NCOA3: variants seen among roughly 807,000 people sequenced by gnomAD.
NCOA3 encodes the protein nuclear receptor coactivator 3.
In NCOA3, 51 loss-of-function variants were observed where a neutral mutation model predicts 158.8. The ratio of observed to expected loss-of-function variants is 0.32; its 90% CI spans 0.26 to 0.41. The LOEUF (loss-of-function observed/expected upper bound fraction) is 0.41, where lower values mean the gene tolerates loss of function less well. Ranked by LOEUF, NCOA3 falls within the 10% of genes least tolerant of loss-of-function variation. NCOA3 has a pLI of 1.00. For missense variants in NCOA3, 1,510 were observed against 1,746.6 expected (o/e 0.86, Z 2.41); for synonymous variants, 537 against 592.4 (o/e 0.91, Z 1.36).
chr20:47,502,555 A>T (rs2083953335), intron 1 of NCOA3, among the ~76,000 whole-genome samples: 2 of 150,410 alleles, frequency 1.3e-5, no homozygotes, highest in African/African-American at 4.9e-5. Flanking sequence ...TTTAACACGA[A>T]TTGTCCGCGG....
At chr20:47,529,798 TG>T (rs1435354042) in intron 1 of NCOA3, among the ~76,000 whole-genome samples, 3 of 152,264 alleles carry the variant, frequency 2.0e-5, no homozygotes, top group Admixed American at 1.3e-4. Flanking sequence ...TCTCTCATGC[TG>T]GAATTTTGGA....
intron 2 of NCOA3, among the ~76,000 whole-genome samples, chr20:47,586,735 C>G (rs1479782621): frequency 6.6e-6 from 1 of 152,176 alleles, no homozygotes; most frequent in Non-Finnish European, 1.5e-5. Context: ...ACAACCCTTC[C>G]CTAACCCCTT....
intron 1 of NCOA3, among the ~76,000 whole-genome samples, chr20:47,537,086 G>A (rs979011152): frequency 6.6e-6 from 1 of 152,030 alleles, no homozygotes; most frequent in African/African-American, 2.4e-5. Context: ...TGGGATTACA[G>A]GCGTGAGCCA....
intron 1 of NCOA3, among the ~76,000 whole-genome samples, chr20:47,580,074 T>C (rs968001761): frequency 6.6e-6 from 1 of 152,182 alleles, no homozygotes; most frequent in Non-Finnish European, 1.5e-5. Flanking sequence ...TGACTTTACA[T>C]GATCTTCCAC....
intron 8 of NCOA3, among the ~76,000 whole-genome samples, chr20:47,629,311 G>A (rs2086375544): frequency 6.6e-6 from 1 of 150,572 alleles, no homozygotes; most frequent in Non-Finnish European, 1.5e-5. Context: ...GTATAATCTT[G>A]TTTACGCTGA....
intron 2 of NCOA3, among the ~76,000 whole-genome samples, chr20:47,611,171 G>C (rs1361147682): frequency 1.3e-5 from 2 of 152,154 alleles, no homozygotes; most frequent in Non-Finnish European, 2.9e-5. Flanking sequence ...GATTAGAAGA[G>C]AATGGGGCAT....
At position 47,567,126 on chromosome 20, in the gene NCOA3, C is replaced by A. The variant is rs1267166212; in HGVS notation, c.-98-16057C>A. On this transcript the variant is annotated intron_variant, in intron 1 of 22. Transcript: ENST00000371998. ...GCAGTGATGTGATCTTAGCTCACTG[C>A]AACCTCTGCCTCCTGGGTTCAAGCG... Among the ~76,000 whole-genome samples the A allele has an allele frequency of 2.0e-5, 3 of 152,018 alleles. No individual in the cohort carries two copies. In the East Asian group the frequency reaches 5.8e-4, roughly 29 times the overall value.
chr20:47,636,670 G>A lies in NCOA3; in HGVS notation c.2284G>A (p.Val762Met). The A allele has an allele frequency of 1.9e-6, 3 of 1,614,144 alleles. No individual in the cohort carries two copies. Among genetic ancestry groups the A allele is most frequent in the Non-Finnish European group, 2.5e-6 (3 of 1,179,996 alleles). ...SKELQPQVEGVDNKMSQCTSS... is the reference protein window; with the variant it reads ...SKELQPQVEGMDNKMSQCTSS... ...AGAACTACAGCCCCAAGTGGAAGGA[G>A]TGGATAATAAAATGAGTCAGTGCAC... The change falls in exon 12 of 23, where the codon GTG (valine) becomes ATG (methionine). Residue 762 changes from valine (V) to methionine (M), a missense_variant. Transcript: ENST00000371998.
rs1159293494 is a variant in NCOA3, at chr20:47,634,238, T to C, written c.1112+43T>C. 5 of 1,564,474 alleles carry C rather than the reference T, an allele frequency of 3.2e-6. No homozygotes were observed. The African/African-American group carries it at 4.1e-5, about 13-fold the overall frequency. ...TGTATTCTAATACAAAATGCAGCAG[T>C]GTTCTCAAAATGCTTTATTATTAAA... is the stretch of plus-strand genomic sequence containing the variant. On this transcript the variant is annotated intron_variant, in intron 10 of 22. Transcript: ENST00000371998.
At chr20:47,567,613 A>C (rs987588328) in intron 1 of NCOA3, among the ~76,000 whole-genome samples, 1 of 151,900 alleles carries the variant, frequency 6.6e-6, no homozygotes, top group Non-Finnish European at 1.5e-5. Flanking sequence ...GTTGTTGCCC[A>C]GACTGGAGTG....
chr20:47,526,607 G>A (rs1449954008), intron 1 of NCOA3, among the ~76,000 whole-genome samples: 1 of 152,234 alleles, frequency 6.6e-6, no homozygotes, highest in Non-Finnish European at 1.5e-5. Context: ...AAAAAAATAC[G>A]AAAACCAGTC....
At chr20:47,526,621 C>T (rs942034743) in intron 1 of NCOA3, among the ~76,000 whole-genome samples, 4 of 152,234 alleles carry the variant, frequency 2.6e-5, no homozygotes, top group South Asian at 2.1e-4. Flanking sequence ...ACCAGTCAGG[C>T]GTGGTGGCAC....
chr20:47,623,840 T>G (rs556650924), intron 3 of NCOA3, 71 bp from the exon 4 acceptor site: 3 of 1,443,122 alleles, frequency 2.1e-6, no homozygotes, highest in South Asian at 2.5e-5. Flanking sequence ...TAGGGGCTGA[T>G]TCTGCTAACA....
chr20:47,549,905 A>G (rs1796516211), intron 1 of NCOA3, among the ~76,000 whole-genome samples: 1 of 151,958 alleles, frequency 6.6e-6, no homozygotes, highest in Non-Finnish European at 1.5e-5. Context: ...TGATTTCACC[A>G]TGTTGCTTAG....
intron 1 of NCOA3, among the ~76,000 whole-genome samples, chr20:47,512,465 G>A (rs2084160783): frequency 6.6e-6 from 1 of 151,840 alleles, no homozygotes; most frequent in Non-Finnish European, 1.5e-5. Flanking sequence ...CTACTCGGGA[G>A]GTTGAGGCAG....
At position 47,639,695 on chromosome 20, in the gene NCOA3, A is replaced by G; in HGVS notation, c.2826A>G (p.Gly942=). 6.2e-7 allele frequency: 1 copy of G among 1,614,160 alleles called. No individual in the cohort carries two copies. The highest frequency in any genetic ancestry group is 8.5e-7 in the Non-Finnish European group (1 of 1,180,010). Residue 942 remains glycine (G), a synonymous_variant, in exon 15 of 23, where the codon GGA becomes GGG. Transcript: ENST00000371998. ...PMNSNSMGRP[G]GDYNTSLPRP... Reference sequence around the variant, plus strand: ...ATTCAAACTCCATGGGAAGACCAGGAGGAGATTATAATACTTCTTTACCCA... The same window carrying G: ...ATTCAAACTCCATGGGAAGACCAGGGGGAGATTATAATACTTCTTTACCCA...
intron 2 of NCOA3, among the ~76,000 whole-genome samples, chr20:47,594,225 C>T (rs560776007): frequency 2.0e-5 from 3 of 152,274 alleles, no homozygotes; most frequent in Admixed American, 6.5e-5. Flanking sequence ...ATGACCAGTT[C>T]ACTTGTTTTA....
At chr20:47,633,280 G>A (rs1231696041) in intron 8 of NCOA3, among the ~76,000 whole-genome samples, 1 of 152,190 alleles carries the variant, frequency 6.6e-6, no homozygotes, top group Non-Finnish European at 1.5e-5. Flanking sequence ...AAGACCAAAT[G>A]TATTATTATA....
At chr20:47,531,933 C>T (rs866597760) in intron 1 of NCOA3, among the ~76,000 whole-genome samples, 6 of 152,156 alleles carry the variant, frequency 3.9e-5, no homozygotes, top group African/African-American at 7.2e-5. Flanking sequence ...ACCCCTCAAA[C>T]GTGTACATCC....
Sources: gnomAD v4.1 joint callset for allele counts (sites outside exome capture counted in the v4.1 genomes callset) on GRCh38, gnomAD v4.1.1 for gene constraint, MANE v1.5 for transcripts, NCBI Gene and HGNC (gene_info 2026-07-23, HGNC 2026-07-21) for gene names.